Variants in GRIA1 observed in about 807,000 individuals in gnomAD.
GRIA1 encodes glutamate ionotropic receptor AMPA type subunit 1.
GRIA1 carries 31 observed loss-of-function variants against 99.2 expected under a neutral mutation model. The ratio of observed to expected loss-of-function variants is 0.31; its 90% CI spans 0.23 to 0.42. The LOEUF (loss-of-function observed/expected upper bound fraction) is 0.42, where lower values mean the gene tolerates loss of function less well. Ranked by LOEUF, GRIA1 falls within the 10% of genes least tolerant of loss-of-function variation. GRIA1 has a pLI of 1.00. For synonymous variants in GRIA1, 438 were observed against 432.4 expected, an observed-to-expected ratio of 1.01 and a Z score of -0.16; for missense variants, 782 against 1,157.5, an observed-to-expected ratio of 0.68 and a Z score of 4.71.
chr5:153,567,346 A>G (rs1761726672), intron 2 of GRIA1, among the ~76,000 whole-genome samples: 1 of 152,216 alleles, frequency 6.6e-6, no homozygotes, highest in South Asian at 2.1e-4. Flanking sequence ...AAATGAAGTG[A>G]GATAATGAAG....
At chr5:153,739,921 A>G (rs1001692376) in intron 11 of GRIA1, among the ~76,000 whole-genome samples, 1 of 152,238 alleles carries the variant, frequency 6.6e-6, no homozygotes, top group African/African-American at 2.4e-5. Context: ...AAACAAAAAG[A>G]AAGTAAGAAA....
chr5:153,597,032 C>A (rs1764495220), intron 2 of GRIA1, among the ~76,000 whole-genome samples: 1 of 152,156 alleles, frequency 6.6e-6, no homozygotes, highest in African/African-American at 2.4e-5. Context: ...CTGTCTGCAG[C>A]CTCCTCTGCT....
chr5:153,602,870 C>A (rs1765109662), intron 2 of GRIA1, among the ~76,000 whole-genome samples: 1 of 152,270 alleles, frequency 6.6e-6, no homozygotes, highest in East Asian at 1.9e-4. Flanking sequence ...ATAGTCACAA[C>A]CCTTAAGTTC....
intron 2 of GRIA1, among the ~76,000 whole-genome samples, chr5:153,613,658 A>G (rs1275261252): frequency 6.6e-6 from 1 of 151,810 alleles, no homozygotes; most frequent in Non-Finnish European, 1.5e-5. Flanking sequence ...ACTTTTAATG[A>G]CAAACCACAA....
At chr5:153,788,035 A>T (rs2126165) in intron 13 of GRIA1, among the ~76,000 whole-genome samples, 1 of 151,612 alleles carries the variant, frequency 6.6e-6, no homozygotes, top group Admixed American at 6.6e-5. Context: ...AGCTGAGATC[A>T]TGCCACTGCA....
At chr5:153,545,715 C>G (rs568671956) in intron 2 of GRIA1, among the ~76,000 whole-genome samples, 11 of 152,310 alleles carry the variant, frequency 7.2e-5, no homozygotes, top group Non-Finnish European at 1.5e-4. Context: ...GTCACAATTA[C>G]TCAACTTTGC....
chr5:153,756,533 T>C (rs1213944522), intron 11 of GRIA1, among the ~76,000 whole-genome samples: 1 of 152,184 alleles, frequency 6.6e-6, no homozygotes, highest in Non-Finnish European at 1.5e-5. Context: ...AGCCAGGAAA[T>C]TGTCCCACTT....
chr5:153,575,450 C>T (rs892427459), intron 2 of GRIA1, among the ~76,000 whole-genome samples: 3 of 152,134 alleles, frequency 2.0e-5, no homozygotes, highest in African/African-American at 4.8e-5. Context: ...ACCCACAATC[C>T]GGCACTTCAG....
chr5:153,583,025 T>A (rs1421161742), intron 2 of GRIA1, among the ~76,000 whole-genome samples: 1 of 152,126 alleles, frequency 6.6e-6, no homozygotes, highest in Non-Finnish European at 1.5e-5. Context: ...CTCAAACTCC[T>A]GACCTCAAGC....
chr5:153,688,155 T>C (rs1757470041), intron 8 of GRIA1, among the ~76,000 whole-genome samples: 1 of 152,134 alleles, frequency 6.6e-6, no homozygotes, highest in Admixed American at 6.6e-5. Context: ...AGAGCCCATC[T>C]CCCATCTCTG....
chr5:153,686,337 C>A lies in GRIA1; in HGVS notation c.1134+8C>A. 1 of 1,601,416 alleles carries A rather than the reference C, an allele frequency of 6.2e-7. No homozygotes were observed. On this transcript the variant is annotated splice_region_variant and intron_variant, in intron 8 of 15. Coordinates refer to ENST00000285900, the MANE Select transcript of GRIA1 (RefSeq NM_000827.4). ...CATGACGGCATCCGAAAGGTAAGGT[C>A]CCCCTTTACTTCTGTTCTGCAGAGA... is the stretch of plus-strand genomic sequence containing the variant.
chr5:153,785,703 C>T (rs768534739), intron 13 of GRIA1, among the ~76,000 whole-genome samples: 5 of 152,212 alleles, frequency 3.3e-5, no homozygotes, highest in African/African-American at 1.2e-4. Context: ...TTGGATGAGC[C>T]GTTTGGGAAC....
chr5:153,575,197 AAG>A lies in GRIA1; in HGVS notation c.221-71708_221-71707del, dbSNP rs3064338. 7.0e-3 allele frequency among the ~76,000 whole-genome samples: 1,038 copies of A among 147,766 alleles called. 5 individuals carry two copies. The highest frequency in any genetic ancestry group is 9.9e-3 in the Non-Finnish European group (664 of 67,148). ...GAGGTTTCATGGAAATCAAGAGAGA[AAG>A]AGAGAGAGAGAGAGAGAGAGAGCTG... On this transcript the variant is annotated intron_variant, in intron 2 of 15. Transcript: ENST00000285900.
chr5:153,748,008 C>T (rs1274684093), intron 11 of GRIA1, among the ~76,000 whole-genome samples: 1 of 152,150 alleles, frequency 6.6e-6, no homozygotes, highest in African/African-American at 2.4e-5. Context: ...TATTGTGTGC[C>T]AGGCACTGTG....
chr5:153,705,944 G>C lies in GRIA1; in HGVS notation c.1700G>C (p.Ser567Thr). 1.2e-6 allele frequency: 2 copies of C among 1,614,008 alleles called. No individual in the cohort carries two copies. Among genetic ancestry groups the C allele is most frequent in the Non-Finnish European group, 1.7e-6 (2 of 1,179,980 alleles). Residue 567 changes from serine (S) to threonine (T), a missense_variant, in exon 11 of 16, where the codon AGT (serine) becomes ACT (threonine). Coordinates refer to ENST00000285900, the MANE Select transcript of GRIA1 (RefSeq NM_000827.4). ...CGCTTCAGTCCCTATGAATGGCACA[G>C]TGAAGAGTTTGAGGAAGGACGGGAC... Reference protein sequence around the residue: ...VSRFSPYEWHSEEFEEGRDQT... With the variant: ...VSRFSPYEWHTEEFEEGRDQT...
chr5:153,572,073 A>AAT, intron 2 of GRIA1, among the ~76,000 whole-genome samples: 1 of 152,332 alleles, frequency 6.6e-6, no homozygotes, highest in African/African-American at 2.4e-5. Context: ...GTGGTTGTCT[A>AAT]ATATATTTCA....
At chr5:153,554,610 C>T (rs1338060702) in intron 2 of GRIA1, among the ~76,000 whole-genome samples, 6 of 152,186 alleles carry the variant, frequency 3.9e-5, no homozygotes, top group Non-Finnish European at 5.9e-5. Flanking sequence ...TCTCCTGCCT[C>T]AGCCTCCCAA....
intron 2 of GRIA1, among the ~76,000 whole-genome samples, chr5:153,507,013 C>T (rs1462766299): frequency 6.6e-6 from 1 of 152,138 alleles, no homozygotes; most frequent in Non-Finnish European, 1.5e-5. Flanking sequence ...ATCTCAGCTA[C>T]TTGGGAGGCT....
intron 13 of GRIA1, among the ~76,000 whole-genome samples, chr5:153,776,435 C>T (rs1156999143): frequency 6.6e-6 from 1 of 152,132 alleles, no homozygotes; most frequent in Admixed American, 6.5e-5. Context: ...ATAATTGCTG[C>T]CACCTCAATT....
Sources: gnomAD v4.1 joint callset for allele counts (sites outside exome capture counted in the v4.1 genomes callset) on GRCh38, gnomAD v4.1.1 for gene constraint, MANE v1.5 for transcripts, NCBI Gene and HGNC (gene_info 2026-07-23, HGNC 2026-07-21) for gene names.